Variants in TMPO observed in about 807,000 individuals in gnomAD.
The protein encoded by TMPO is thymopoietin.
A neutral mutation model predicts 45.4 loss-of-function variants in TMPO; 22 were observed. The observed-to-expected ratio is 0.48, with a 90% CI of 0.35 to 0.69. TMPO has a LOEUF of 0.69. TMPO is among the 30% of genes least tolerant of loss of function. The pLI, the probability that TMPO is intolerant of heterozygous loss-of-function variation, is 0.01. For synonymous variants in TMPO, 241 were observed against 204.1 expected (o/e 1.18, Z -1.54); for missense variants, 512 against 548.8 (o/e 0.93, Z 0.67).
chr12:98,533,193 A>C, intron 3 of TMPO: 1 of 1,614,142 alleles, frequency 6.2e-7, no homozygotes, highest in Non-Finnish European at 8.5e-7. Context: ...CTTCTCCTTC[A>C]CTGATTAAAG....
rs1322015737 is a variant in TMPO, at chr12:98,547,813, T to C, written c.1320T>C (p.Asn440=). The change falls in exon 9 of 9, where the codon AAT becomes AAC. Residue 440 remains asparagine, a synonymous_variant. Coordinates refer to ENST00000556029, the MANE Select transcript of TMPO (RefSeq NM_001032283.3). The part of the protein sequence containing the change: ...VYQAMETNQV[N]PFSNFLHVDP... ...AAGCTATGGAAACCAACCAAGTAAA[T>C]CCCTTCTCTAATTTTCTTCATGTTG... is the stretch of plus-strand genomic sequence containing the variant. 1 of 1,613,926 alleles carries C rather than the reference T, an allele frequency of 6.2e-7. No homozygotes were observed. Among genetic ancestry groups the C allele is most frequent in the African/African-American group, 1.3e-5 (1 of 74,880 alleles).
intron 1 of TMPO, among the ~76,000 whole-genome samples, chr12:98,517,882 G>T (rs1295426534): frequency 6.6e-6 from 1 of 152,252 alleles, no homozygotes; most frequent in Non-Finnish European, 1.5e-5. Context: ...GTTGGTTGAG[G>T]CCGGGCGCGG....
intron 1 of TMPO, among the ~76,000 whole-genome samples, chr12:98,517,213 A>C (rs772679164): frequency 7.9e-5 from 12 of 152,228 alleles, no homozygotes; most frequent in Non-Finnish European, 1.5e-4. Flanking sequence ...GGAAAAATTT[A>C]TTTCATGACA....
At chr12:98,539,471 CTTTTTTTTT>C (rs398039980) in intron 4 of TMPO, among the ~76,000 whole-genome samples, 14 of 123,492 alleles carry the variant, frequency 1.1e-4, no homozygotes, top group Non-Finnish European at 1.5e-4. Flanking sequence ...TTTTAAATTA[CTTTTTTTTT>C]TTTTTTTTTT....
At chr12:98,534,605 G>C (rs1298974198) in intron 3 of TMPO, 10 of 1,234,094 alleles carry the variant, frequency 8.1e-6, no homozygotes, top group Middle Eastern at 3.4e-4. Context: ...TCTGTTTCCT[G>C]CTTTACTTAT....
chr12:98,547,480 G>A (rs2121261865), intron 8 of TMPO, 93 bp from the exon 9 acceptor site: 2 of 1,465,008 alleles, frequency 1.4e-6, no homozygotes, highest in East Asian at 2.3e-5. Context: ...GAATGTGCTT[G>A]GAATTAGGAG....
At chr12:98,529,816 C>G (rs1261661529) in intron 2 of TMPO, among the ~76,000 whole-genome samples, 2 of 152,130 alleles carry the variant, frequency 1.3e-5, no homozygotes, top group African/African-American at 4.8e-5. Flanking sequence ...ACTTAGGCCT[C>G]CCTAAGTCCT....
chr12:98,520,538 C>T (rs1210350039), intron 1 of TMPO, among the ~76,000 whole-genome samples: 1 of 151,966 alleles, frequency 6.6e-6, no homozygotes, highest in African/African-American at 2.4e-5. Flanking sequence ...AACTCCTGAC[C>T]TCGTGATCCA....
intron 3 of TMPO, chr12:98,535,500 C>T: frequency 1.0e-6 from 1 of 985,304 alleles, no homozygotes; most frequent in Non-Finnish European, 1.2e-6. Context: ...TTGCAGCTTT[C>T]TGAGAGTAAT....
intron 1 of TMPO, among the ~76,000 whole-genome samples, chr12:98,525,511 C>A (rs541550386): frequency 2.6e-5 from 4 of 152,074 alleles, no homozygotes; most frequent in Admixed American, 6.6e-5. Context: ...GAGGCTCAGG[C>A]GGGCATAACA....
chr12:98,515,912 G>A lies in TMPO; in HGVS notation c.45G>A (p.Lys15=). 3 of 1,613,768 alleles carry A rather than the reference G, an allele frequency of 1.9e-6. No individual in the cohort carries two copies. Among genetic ancestry groups the A allele is most frequent in the South Asian group, 1.1e-5 (1 of 91,084 alleles). ...LEDPSVLTKD[K]LKSELVANNV... ...ACCCCTCGGTCCTGACAAAAGACAA[G>A]TTGAAGAGTGAGTTGGTCGCCAACA... Residue 15 remains lysine, a synonymous_variant, in exon 1 of 9, where the codon AAG becomes AAA. Transcript: ENST00000556029.
chr12:98,536,576 GC>G (rs1463910287), intron 3 of TMPO, among the ~76,000 whole-genome samples: 1 of 151,994 alleles, frequency 6.6e-6, no homozygotes, highest in Admixed American at 6.6e-5. Context: ...ATGGTCTTAA[GC>G]TGACCTCAGG....
At chr12:98,542,440 G>A (rs1051414527) in intron 4 of TMPO, among the ~76,000 whole-genome samples, 2 of 141,612 alleles carry the variant, frequency 1.4e-5, no homozygotes, top group East Asian at 4.0e-4. Flanking sequence ...TATGGTAGTT[G>A]GGGGCATTTG....
At chr12:98,524,214 CAG>C (rs1470970863) in intron 1 of TMPO, among the ~76,000 whole-genome samples, 1 of 152,226 alleles carries the variant, frequency 6.6e-6, no homozygotes. Context: ...CAATTACAAA[CAG>C]ATTATCTGGC....
At position 98,539,720 on chromosome 12, in the gene TMPO, C is replaced by T. The variant is rs557782065; in HGVS notation, c.663+2148C>T. ...AACTCCTGACCTCAGGTGATCCACC[C>T]GCCTTGGCCTCCCAGATTGCTGGGA... On this transcript the variant is annotated intron_variant, in intron 4 of 8. Coordinates refer to ENST00000556029, the MANE Select transcript of TMPO (RefSeq NM_001032283.3). 4.6e-5 allele frequency among the ~76,000 whole-genome samples: 7 copies of T among 152,258 alleles called. No homozygotes were observed. In the East Asian group the frequency reaches 9.7e-4, roughly 21 times the overall value.
chr12:98,545,083 C>A, intron 7 of TMPO, 22 bp downstream of exon 7: 1 of 1,448,442 alleles, frequency 6.9e-7, no homozygotes, highest in Non-Finnish European at 9.7e-7. Context: ...CAATTTAGAT[C>A]GATGCTATCA....
chr12:98,534,310 A>C lies in TMPO; in HGVS notation c.565+2472A>C, dbSNP rs1877431244. 3 of 1,613,016 alleles carry C rather than the reference A, an allele frequency of 1.9e-6. No individual in the cohort carries two copies. The highest frequency in any genetic ancestry group is 1.3e-5 in the African/African-American group (1 of 75,062). On this transcript the variant is annotated intron_variant, in intron 3 of 8. Coordinates refer to ENST00000556029, the MANE Select transcript of TMPO (RefSeq NM_001032283.3). ...AACATTATTTGGAGGAGAAGTATGCAAAGTAATTAAAAAGCGTGGAAATAA... is the reference window on the plus strand; with the variant it reads ...AACATTATTTGGAGGAGAAGTATGCCAAGTAATTAAAAAGCGTGGAAATAA...
intron 3 of TMPO, chr12:98,535,252 A>C: frequency 1.0e-6 from 1 of 983,418 alleles, no homozygotes; most frequent in Non-Finnish European, 1.2e-6. Context: ...TAAGTTTAGC[A>C]ATATAGACTC....
At chr12:98,518,888 G>GT (rs10711028) in intron 1 of TMPO, among the ~76,000 whole-genome samples, 1,655 of 146,734 alleles carry the variant, frequency 0.011, 27 homozygotes, top group African/African-American at 0.033. Context: ...AAAATGAAGG[G>GT]TTTTTTTTTT....
Sources: allele counts gnomAD v4.1 joint callset (sites outside exome capture counted in the v4.1 genomes callset), GRCh38; gene constraint gnomAD v4.1.1; transcripts MANE v1.5; gene names NCBI Gene and HGNC (gene_info 2026-07-23, HGNC 2026-07-21).